XPOT: variants seen among roughly 807,000 people sequenced by gnomAD.
The protein encoded by XPOT is exportin for tRNA.
Under a neutral mutation model 128.2 loss-of-function variants are expected in XPOT, and 34 were observed. The ratio of observed to expected loss-of-function variants is 0.27; its 90% CI spans 0.20 to 0.35. The LOEUF (loss-of-function observed/expected upper bound fraction) is 0.35, where lower values mean the gene tolerates loss of function less well. Among genes scored for constraint, XPOT ranks in the 10% least tolerant of loss-of-function variants. The probability of loss-of-function intolerance (pLI) is 1.00; values close to 1 mark genes in which losing one functional copy is unlikely to be tolerated. For missense variants in XPOT, 838 were observed against 1,125.3 expected (o/e 0.74, Z 3.65); for synonymous variants, 348 against 394.3 (o/e 0.88, Z 1.39).
At chr12:64,432,476 C>A (rs190095539) in intron 18 of XPOT, among the ~76,000 whole-genome samples, 1 of 152,278 alleles carries the variant, frequency 6.6e-6, no homozygotes, top group East Asian at 1.9e-4. Flanking sequence ...GAACTCCTGA[C>A]CTCAAGTGAT....
intron 18 of XPOT, 35 bp downstream of exon 18, chr12:64,431,858 G>A: frequency 6.3e-7 from 1 of 1,592,742 alleles, no homozygotes; most frequent in Middle Eastern, 1.7e-4. Context: ...AAAATCTCTT[G>A]AAGATCAGAT....
intron 23 of XPOT, among the ~76,000 whole-genome samples, chr12:64,442,079 T>TGG (rs36032349): frequency 3.0e-4 from 46 of 150,938 alleles, no homozygotes; most frequent in African/African-American, 7.8e-4. Context: ...ATGTGTAAAG[T>TGG]GGGGGGGGGA....
intron 1 of XPOT, among the ~76,000 whole-genome samples, chr12:64,407,593 G>C (rs2039994962): frequency 6.6e-6 from 1 of 152,154 alleles, no homozygotes; most frequent in African/African-American, 2.4e-5. Context: ...GGACAATAGA[G>C]GTCAAAGAAG....
chr12:64,416,666 TG>T, intron 3 of XPOT, 31 bp from the exon 4 acceptor site: 1 of 1,574,756 alleles, frequency 6.4e-7, no homozygotes. Flanking sequence ...GTTCATATTC[TG>T]CTTATCTCAT....
chr12:64,427,261 A>G (rs2040200440), intron 15 of XPOT, among the ~76,000 whole-genome samples: 1 of 151,584 alleles, frequency 6.6e-6, no homozygotes. Flanking sequence ...CCAGGATTAC[A>G]GGTGTCCATC....
chr12:64,422,332 CAT>C (rs1396871799), intron 9 of XPOT, among the ~76,000 whole-genome samples: 2 of 152,146 alleles, frequency 1.3e-5, no homozygotes, highest in Non-Finnish European at 2.9e-5. Flanking sequence ...GTAAACATAA[CAT>C]GTATCTTTAT....
intron 15 of XPOT, 109 bp downstream of exon 15, chr12:64,426,018 TTAGA>T: frequency 9.8e-7 from 1 of 1,018,268 alleles, no homozygotes; most frequent in African/African-American, 1.6e-5. Context: ...CAGTGGTGGA[TTAGA>T]TAAAGAAAAT....
At chr12:64,416,276 T>C (rs1325369563) in intron 3 of XPOT, among the ~76,000 whole-genome samples, 1 of 152,234 alleles carries the variant, frequency 6.6e-6, no homozygotes, top group Non-Finnish European at 1.5e-5. Flanking sequence ...GGGGTTGAAT[T>C]TTAAGCAGGA....
At position 64,410,043 on chromosome 12, in the gene XPOT, A is replaced by G. The variant is rs746398575; in HGVS notation, c.8A>G (p.Glu3Gly). Residue 3 changes from glutamate to glycine, a missense_variant, in exon 2 of 25, where the codon GAA (glutamate) becomes GGA (glycine). Physicochemically the swap from Glu to Gly is moderately conservative, Grantham distance 98 (BLOSUM62 -2). Transcript: ENST00000332707. Reference sequence around the variant, plus strand: ...ACAAGTATAACAGCGAGGATGGATGAACAGGCTCTATTAGGGCTAAATCCA... The same window carrying G: ...ACAAGTATAACAGCGAGGATGGATGGACAGGCTCTATTAGGGCTAAATCCA... MD[E>G]QALLGLNPNA... 6.2e-7 allele frequency: 1 copy of G among 1,613,926 alleles called. No homozygotes were observed.
Position 64,448,181 on chromosome 12 carries a change from T to C in XPOT, c.*50T>C, listed in dbSNP as rs779730845. The C allele has an allele frequency of 3.8e-6, 6 of 1,584,750 alleles. No homozygotes were observed. Among genetic ancestry groups the C allele is most frequent in the Non-Finnish European group, 5.2e-6 (6 of 1,153,530 alleles). On this transcript the variant is annotated 3_prime_UTR_variant, in exon 25 of 25. Coordinates refer to ENST00000332707, the MANE Select transcript of XPOT (RefSeq NM_007235.6). ...TCATGATCATGAATTCCAGTTAATT[T>C]ATAAAGAGGCGATTTTTGTGTGCCA...
At chr12:64,425,229 A>G in intron 13 of XPOT, 47 bp downstream of exon 13, 2 of 1,612,350 alleles carry the variant, frequency 1.2e-6, no homozygotes, top group East Asian at 2.2e-5. Context: ...TGTTTTCAGT[A>G]TAAGCTAATG....
chr12:64,433,611 C>T lies in XPOT; in HGVS notation c.2452+8C>T, dbSNP rs1381458690. ...AAGTTATAGCAAATCAAGGTGGGAA[C>T]ACATGCCATATCTAATTTGTCTGCT... is the stretch of plus-strand genomic sequence containing the variant. On this transcript the variant is annotated splice_region_variant and intron_variant, in intron 19 of 24. Coordinates refer to ENST00000332707, the MANE Select transcript of XPOT (RefSeq NM_007235.6). 6.3e-7 allele frequency: 1 copy of T among 1,581,858 alleles called. No individual in the cohort carries two copies. Among genetic ancestry groups the T allele is most frequent in the Admixed American group, 1.8e-5 (1 of 56,948 alleles).
chr12:64,439,417 C>T, intron 23 of XPOT, 102 bp downstream of exon 23: 2 of 1,076,236 alleles, frequency 1.9e-6, no homozygotes, highest in Non-Finnish European at 1.4e-6. Context: ...TTTCATATTA[C>T]ATAAGTTGTT....
chr12:64,424,521 TATAC>T (rs1241291157), intron 11 of XPOT, 74 bp from the exon 12 acceptor site: 23 of 1,533,422 alleles, frequency 1.5e-5, no homozygotes, highest in Non-Finnish European at 2.0e-5. Context: ...GTTACATAGG[TATAC>T]ATGTAGCCAT....
chr12:64,421,484 TTTA>T lies in XPOT; in HGVS notation c.1080+16_1080+18del, dbSNP rs756875373. 1.3e-6 allele frequency: 2 copies of T among 1,575,304 alleles called. No homozygotes were observed. The highest frequency in any genetic ancestry group is 2.2e-5 in the South Asian group (2 of 90,060). On this transcript the variant is annotated intron_variant, in intron 9 of 24. Coordinates refer to ENST00000332707, the MANE Select transcript of XPOT (RefSeq NM_007235.6). ...TATTTTGAAACAGGTAAGTTTTTGT[TTTA>T]TTCTTTTTGCTCAATACATAATACA...
intron 11 of XPOT, 31 bp downstream of exon 11, chr12:64,423,275 A>C: frequency 7.2e-7 from 1 of 1,389,774 alleles, no homozygotes; most frequent in Non-Finnish European, 9.8e-7. Flanking sequence ...AGGAGAAAGG[A>C]GTTTTAATTT....
intron 5 of XPOT, 95 bp downstream of exon 5, chr12:64,418,210 GT>G (rs2040105538): frequency 2.0e-6 from 2 of 984,340 alleles, no homozygotes; most frequent in Admixed American, 4.7e-5. Context: ...ATTTTCATCA[GT>G]GTTCCTCCAT....
intron 24 of XPOT, among the ~76,000 whole-genome samples, chr12:64,446,936 C>A (rs1396678516): frequency 6.6e-6 from 1 of 152,154 alleles, no homozygotes; most frequent in Non-Finnish European, 1.5e-5. Context: ...TAAAGACATA[C>A]CCGAGACTGG....
chr12:64,436,686 T>C (rs1161725669), intron 22 of XPOT, among the ~76,000 whole-genome samples: 1 of 151,708 alleles, frequency 6.6e-6, no homozygotes, highest in African/African-American at 2.4e-5. Flanking sequence ...GCTCAAGTAC[T>C]CTTCCCACTT....
Sources: allele counts gnomAD v4.1 joint callset (sites outside exome capture counted in the v4.1 genomes callset), GRCh38; gene constraint gnomAD v4.1.1; transcripts MANE v1.5; gene names NCBI Gene and HGNC (gene_info 2026-07-23, HGNC 2026-07-21).